ZNF385B: variants seen among roughly 807,000 people sequenced by gnomAD.
ZNF385B encodes zinc finger protein 385B.
In ZNF385B, 23 loss-of-function variants were observed where a neutral mutation model predicts 39.2. The ratio of observed to expected loss-of-function variants is 0.59; its 90% CI spans 0.42 to 0.83. ZNF385B has a LOEUF of 0.83. Among genes scored for constraint, ZNF385B ranks in the 40% least tolerant of loss-of-function variants. ZNF385B has a pLI of 0.00. For synonymous variants in ZNF385B, 205 were observed against 222.6 expected, an observed-to-expected ratio of 0.92 and a Z score of 0.70; for missense variants, 552 against 598.9, an observed-to-expected ratio of 0.92 and a Z score of 0.82.
chr2:179,632,583 C>G (rs929247657), intron 3 of ZNF385B, among the ~76,000 whole-genome samples: 1 of 152,106 alleles, frequency 6.6e-6, no homozygotes, highest in Non-Finnish European at 1.5e-5. Context: ...GCACTAAATG[C>G]CCACAAGAGA....
At chr2:179,518,721 T>G in intron 4 of ZNF385B, 83 bp from the exon 5 acceptor site, 1 of 781,388 alleles carries the variant, frequency 1.3e-6, no homozygotes, top group Non-Finnish European at 2.0e-6. Context: ...GTTGAAATAT[T>G]CCATAAAGTT....
chr2:179,527,551 A>G (rs535421167), intron 4 of ZNF385B, among the ~76,000 whole-genome samples: 3 of 150,572 alleles, frequency 2.0e-5, no homozygotes, highest in Admixed American at 1.3e-4. Context: ...GAGAAATTTC[A>G]TCTTCATTTT....
At chr2:179,491,986 C>T (rs1416699175) in intron 5 of ZNF385B, among the ~76,000 whole-genome samples, 1 of 152,204 alleles carries the variant, frequency 6.6e-6, no homozygotes, top group Non-Finnish European at 1.5e-5. Context: ...AGGTGTGCAA[C>T]ACCATGCCTG....
chr2:179,852,903 G>GCATGCA (rs1684290218), intron 1 of ZNF385B, among the ~76,000 whole-genome samples: 7 of 152,136 alleles, frequency 4.6e-5, no homozygotes, highest in Non-Finnish European at 1.0e-4. Flanking sequence ...TTTAGAACCA[G>GCATGCA]CTTGATGACC....
At chr2:179,817,808 T>G (rs531260251) in intron 1 of ZNF385B, among the ~76,000 whole-genome samples, 2 of 152,206 alleles carry the variant, frequency 1.3e-5, no homozygotes, top group East Asian at 3.9e-4. Flanking sequence ...TGCATGCATG[T>G]TGGCCTGCAG....
At chr2:179,758,795 GT>G in intron 3 of ZNF385B, among the ~76,000 whole-genome samples, 1 of 152,288 alleles carries the variant, frequency 6.6e-6, no homozygotes. Flanking sequence ...ATCTAAGACA[GT>G]TACTCTGTAG....
At chr2:179,628,747 CT>C (rs1230869205) in intron 3 of ZNF385B, among the ~76,000 whole-genome samples, 3 of 152,114 alleles carry the variant, frequency 2.0e-5, no homozygotes, top group Non-Finnish European at 2.9e-5. Context: ...TGGTTTAGGT[CT>C]TTTTTTCCTT....
chr2:179,619,314 C>A (rs888242681), intron 3 of ZNF385B, among the ~76,000 whole-genome samples: 1 of 152,162 alleles, frequency 6.6e-6, no homozygotes, highest in Admixed American at 6.6e-5. Context: ...TATACATATA[C>A]AGGCTTTGTT....
intron 3 of ZNF385B, among the ~76,000 whole-genome samples, chr2:179,551,428 AC>A (rs1355381078): frequency 1.3e-5 from 2 of 149,144 alleles, no homozygotes; most frequent in Non-Finnish European, 3.0e-5. Context: ...ACCCTGAAAA[AC>A]GAAGGTGTGG....
At chr2:179,637,217 T>C (rs1359357833) in intron 3 of ZNF385B, 2 of 152,170 alleles carry the variant, frequency 1.3e-5, no homozygotes, top group African/African-American at 2.4e-5. Flanking sequence ...TCCTACCTAG[T>C]TTTCAGCCAT....
intron 4 of ZNF385B, among the ~76,000 whole-genome samples, chr2:179,520,448 T>A (rs1194865873): frequency 6.6e-6 from 1 of 152,134 alleles, no homozygotes; most frequent in African/African-American, 2.4e-5. Flanking sequence ...AATAATAATT[T>A]AAAAAACTAT....
In ZNF385B at chr2:179,674,777, A is replaced by G. The variant is rs183328559; in HGVS notation, c.298+94726T>C. On this transcript the variant is annotated intron_variant, in intron 3 of 9. Transcript: ENST00000410066. ...TGTCTGCTAGATGGAGACACAGGTC[A>G]GCACATGGGTGGTCTAGTCCCAGAG... Among the ~76,000 whole-genome samples the G allele has an allele frequency of 1.1e-4, 16 of 152,334 alleles. 1 individual carries two copies. Among genetic ancestry groups the G allele is most frequent in the Admixed American group, 9.8e-4 (15 of 15,306 alleles).
intron 3 of ZNF385B, among the ~76,000 whole-genome samples, chr2:179,600,953 G>A (rs1291495032): frequency 6.6e-6 from 1 of 152,182 alleles, no homozygotes; most frequent in African/African-American, 2.4e-5. Context: ...AGGAAATGGT[G>A]TAGTACAGAT....
rs77958442 is a variant in ZNF385B, at chr2:179,485,697, G to A, written c.553-2263C>T. On this transcript the variant is annotated intron_variant, in intron 5 of 9. Coordinates refer to ENST00000410066, the MANE Select transcript of ZNF385B (RefSeq NM_152520.6). ...TATTTGCTCTCCCATTTAAATGGAA[G>A]CTTGGTGATAGATTCATGCCACAGT... Among the ~76,000 whole-genome samples, 629 of 152,292 alleles carry A rather than the reference G, an allele frequency of 4.1e-3. 5 individuals carry two copies. The highest frequency in any genetic ancestry group is 0.015 in the African/African-American group (605 of 41,562).
At chr2:179,531,753 G>A (rs541297418) in intron 4 of ZNF385B, among the ~76,000 whole-genome samples, 1 of 152,168 alleles carries the variant, frequency 6.6e-6, no homozygotes, top group Non-Finnish European at 1.5e-5. Flanking sequence ...TGATATCAAT[G>A]TTGATTCTAC....
intron 1 of ZNF385B, among the ~76,000 whole-genome samples, chr2:179,812,515 AT>A (rs755625441): frequency 2.6e-5 from 4 of 152,240 alleles, no homozygotes; most frequent in Non-Finnish European, 5.9e-5. Flanking sequence ...GCTGGAGGCC[AT>A]TAATCTAAGT....
At chr2:179,684,612 AT>A (rs1422297857) in intron 3 of ZNF385B, among the ~76,000 whole-genome samples, 3 of 152,250 alleles carry the variant, frequency 2.0e-5, no homozygotes, top group Non-Finnish European at 4.4e-5. Flanking sequence ...GAAGAAAAAA[AT>A]CATTATTGTG....
At chr2:179,460,210 A>G (rs746101510) in intron 6 of ZNF385B, among the ~76,000 whole-genome samples, 1 of 152,108 alleles carries the variant, frequency 6.6e-6, no homozygotes, top group Non-Finnish European at 1.5e-5. Context: ...GCTCAGGCCT[A>G]TCTGAAGAGG....
intron 1 of ZNF385B, among the ~76,000 whole-genome samples, chr2:179,840,800 AC>A (rs1273004333): frequency 6.6e-6 from 1 of 152,234 alleles, no homozygotes; most frequent in African/African-American, 2.4e-5. Context: ...CACATTTATC[AC>A]ATAGACTAAC....
Sources: allele counts gnomAD v4.1 joint callset (sites outside exome capture counted in the v4.1 genomes callset), GRCh38; gene constraint gnomAD v4.1.1; transcripts MANE v1.5; gene names NCBI Gene and HGNC (gene_info 2026-07-23, HGNC 2026-07-21).